The following SH3BGRL variants were observed in gnomAD, a reference collection of about 807,000 sequenced individuals.
SH3BGRL encodes the protein SH3 domain binding glutamate rich protein like, also known as adapter SH3BGRL.
SH3BGRL carries 7 observed loss-of-function variants against 9.8 expected under a neutral mutation model. The ratio of observed to expected loss-of-function variants is 0.72; its 90% CI spans 0.41 to 1.35. SH3BGRL has a LOEUF of 1.35. SH3BGRL is among the 40% of genes most tolerant of loss of function. SH3BGRL has a pLI of 0.01. For missense variants in SH3BGRL, 73 were observed against 84.4 expected (o/e 0.86, Z 0.53); for synonymous variants, 36 against 29.1 (o/e 1.24, Z -0.76).
intron 1 of SH3BGRL, among the ~76,000 whole-genome samples, chrX:81,212,309 G>A (rs1294570368): frequency 9.0e-6 from 1 of 111,491 alleles, no homozygotes. Flanking sequence ...GACAATCAGG[G>A]TTGTTGGTGG....
At chrX:81,211,023 TG>T (rs1315158725) in intron 1 of SH3BGRL, among the ~76,000 whole-genome samples, 1 of 112,314 alleles carries the variant, frequency 8.9e-6, no homozygotes, top group Non-Finnish European at 1.9e-5. Flanking sequence ...TAAGATGAAT[TG>T]TTTTTTGAAG....
intron 1 of SH3BGRL, among the ~76,000 whole-genome samples, chrX:81,243,114 G>A (rs1203286623): frequency 8.9e-6 from 1 of 112,265 alleles, no homozygotes; most frequent in Non-Finnish European, 1.9e-5. Context: ...ATTCACAATA[G>A]GTAAGATTTG....
chrX:81,268,449 C>G (rs1378340662), intron 1 of SH3BGRL, among the ~76,000 whole-genome samples: 2 of 111,651 alleles, frequency 1.8e-5, no homozygotes, highest in Non-Finnish European at 3.8e-5. Flanking sequence ...CAAAGAACAT[C>G]TTTATTTCTG....
chrX:81,211,566 T>C (rs370137183), intron 1 of SH3BGRL, among the ~76,000 whole-genome samples: 2 of 109,424 alleles, frequency 1.8e-5, no homozygotes, highest in Non-Finnish European at 3.8e-5. Flanking sequence ...CAGCCTGGGC[T>C]ACAGAGCGAG....
intron 1 of SH3BGRL, among the ~76,000 whole-genome samples, chrX:81,257,575 T>A (rs1355864096): frequency 8.9e-6 from 1 of 112,155 alleles, no homozygotes; most frequent in Non-Finnish European, 1.9e-5. Context: ...GCAAAATTCA[T>A]TTCTTTGAGG....
At chrX:81,231,050 G>A (rs746759325) in intron 1 of SH3BGRL, among the ~76,000 whole-genome samples, 1 of 112,503 alleles carries the variant, frequency 8.9e-6, no homozygotes, top group East Asian at 2.8e-4. Context: ...ATGTTCACAA[G>A]TTGGTGGTCT....
intron 1 of SH3BGRL, among the ~76,000 whole-genome samples, chrX:81,258,031 C>G (rs938854390): frequency 2.7e-5 from 3 of 111,653 alleles, no homozygotes. Flanking sequence ...CCTGCTGTCT[C>G]AAAGCCATCA....
chrX:81,279,809 T>C, intron 3 of SH3BGRL, among the ~76,000 whole-genome samples: 1 of 110,819 alleles, frequency 9.0e-6, no homozygotes, highest in Non-Finnish European at 1.9e-5. Flanking sequence ...TTTGTAACAA[T>C]TCGAAAGGGG....
intron 3 of SH3BGRL, among the ~76,000 whole-genome samples, chrX:81,282,474 G>A (rs960418156): frequency 8.9e-6 from 1 of 111,735 alleles, no homozygotes; most frequent in Admixed American, 9.5e-5. Context: ...ATTATATCAA[G>A]CACTTTCTGA....
At chrX:81,278,463 T>A in intron 3 of SH3BGRL, 52 bp downstream of exon 3, 2 of 780,403 alleles carry the variant, frequency 2.6e-6, no homozygotes, top group Non-Finnish European at 3.8e-6. Flanking sequence ...GCTGCTGAAC[T>A]TTTTTAATCA....
intron 1 of SH3BGRL, among the ~76,000 whole-genome samples, chrX:81,225,668 C>G (rs771502178): frequency 3.6e-5 from 4 of 111,141 alleles, no homozygotes; most frequent in Non-Finnish European, 5.7e-5. Context: ...CTGATGGACA[C>G]GGGTTGATTC....
rs184063370 is a variant in SH3BGRL, at chrX:81,233,153, G to A, written c.45+30908G>A. Among the ~76,000 whole-genome samples, 388 of 111,640 alleles carry A rather than the reference G, an allele frequency of 3.5e-3. 1 individual carries two copies. Among genetic ancestry groups the A allele is most frequent in the African/African-American group, 9.8e-3 (301 of 30,828 alleles). On this transcript the variant is annotated intron_variant, in intron 1 of 3. Coordinates refer to ENST00000373212, the MANE Select transcript of SH3BGRL (RefSeq NM_003022.3). ...GTTGAATTTTTACAATTGATTGGGA[G>A]AACAAATAATAACAAGAAGCTGTCA...
At chrX:81,238,813 AGAGAGAGAGAGAGG>A (rs1175447032) in intron 1 of SH3BGRL, among the ~76,000 whole-genome samples, 2 of 109,665 alleles carry the variant, frequency 1.8e-5, no homozygotes, top group African/African-American at 6.7e-5. Context: ...AGAGAGAGAG[AGAGAGAGAGAGAGG>A]GAGAGAGAGA....
At chrX:81,236,134 C>A (rs749514198) in intron 1 of SH3BGRL, among the ~76,000 whole-genome samples, 1 of 111,452 alleles carries the variant, frequency 9.0e-6, no homozygotes, top group African/African-American at 3.3e-5. Flanking sequence ...GTGTGTATAG[C>A]CTACAGACTC....
intron 2 of SH3BGRL, among the ~76,000 whole-genome samples, chrX:81,278,078 G>T (rs770403379): frequency 1.8e-5 from 2 of 111,347 alleles, no homozygotes; most frequent in Non-Finnish European, 3.8e-5. Context: ...TTCTCCTGCC[G>T]CAACCTTCCA....
intron 3 of SH3BGRL, among the ~76,000 whole-genome samples, chrX:81,295,749 T>A (rs1569372998): frequency 8.9e-6 from 1 of 111,741 alleles, no homozygotes; most frequent in East Asian, 2.8e-4. Flanking sequence ...CAGTTTCAAA[T>A]AAGTTCTTCA....
At chrX:81,243,753 A>G (rs988779672) in intron 1 of SH3BGRL, among the ~76,000 whole-genome samples, 19 of 111,671 alleles carry the variant, frequency 1.7e-4, no homozygotes, top group Non-Finnish European at 2.8e-4. Context: ...TTATATTTAT[A>G]CAAGTCTTTT....
At chrX:81,237,632 T>C (rs1372206836) in intron 1 of SH3BGRL, among the ~76,000 whole-genome samples, 1 of 110,771 alleles carries the variant, frequency 9.0e-6, no homozygotes, top group East Asian at 2.9e-4. Flanking sequence ...TTGCCCTGGG[T>C]CTTTAAGTAA....
At chrX:81,231,002 G>C (rs902774114) in intron 1 of SH3BGRL, among the ~76,000 whole-genome samples, 1 of 112,002 alleles carries the variant, frequency 8.9e-6, no homozygotes, top group Non-Finnish European at 1.9e-5. Flanking sequence ...ATCAGTGCTC[G>C]TTAGAACAAT....
Sources: gnomAD v4.1 joint callset for allele counts (sites outside exome capture counted in the v4.1 genomes callset) on GRCh38, gnomAD v4.1.1 for gene constraint, MANE v1.5 for transcripts, NCBI Gene and HGNC (gene_info 2026-07-23, HGNC 2026-07-21) for gene names.